The following RTN1 variants were observed in gnomAD, a reference collection of about 807,000 sequenced individuals.
RTN1 encodes reticulon-1.
Under a neutral mutation model 65.5 loss-of-function variants are expected in RTN1, and 25 were observed. The observed-to-expected ratio is 0.38, with a 90% CI of 0.28 to 0.53. RTN1 has a LOEUF of 0.53. Among genes scored for constraint, RTN1 ranks in the 20% least tolerant of loss-of-function variants. The pLI, the probability that RTN1 is intolerant of heterozygous loss-of-function variation, is 0.79. For synonymous variants in RTN1, 471 were observed against 447.6 expected, an observed-to-expected ratio of 1.05 and a Z score of -0.66; for missense variants, 983 against 1,025.4, an observed-to-expected ratio of 0.96 and a Z score of 0.57.
At chr14:59,730,142 G>A (rs766048012) in intron 2 of RTN1, among the ~76,000 whole-genome samples, 17 of 152,078 alleles carry the variant, frequency 1.1e-4, no homozygotes, top group Non-Finnish European at 1.9e-4. Context: ...TTCTTGCTAG[G>A]ACCCTAGATG....
At chr14:59,680,044 C>A (rs1334469434) in intron 3 of RTN1, among the ~76,000 whole-genome samples, 1 of 152,116 alleles carries the variant, frequency 6.6e-6, no homozygotes, top group Non-Finnish European at 1.5e-5. Context: ...TGCCCTCATA[C>A]CCAATAGCAT....
intron 3 of RTN1, among the ~76,000 whole-genome samples, chr14:59,699,723 G>T (rs1439194331): frequency 6.6e-6 from 1 of 152,150 alleles, no homozygotes; most frequent in East Asian, 1.9e-4. Context: ...AAAATTTCAA[G>T]GAGGCGAAAC....
intron 2 of RTN1, among the ~76,000 whole-genome samples, chr14:59,735,787 T>C (rs1884990609): frequency 6.6e-6 from 1 of 152,122 alleles, no homozygotes; most frequent in African/African-American, 2.4e-5. Flanking sequence ...ACAATAACAG[T>C]GGGAGACTTT....
At chr14:59,606,120 ATATAT>A in intron 4 of RTN1, 1 of 92,148 alleles carries the variant, frequency 1.1e-5, no homozygotes, top group African/African-American at 4.3e-5. Context: ...ATATATATAT[ATATAT>A]ATCATACCAG....
chr14:59,665,949 T>G (rs975075371), intron 3 of RTN1, among the ~76,000 whole-genome samples: 3 of 152,098 alleles, frequency 2.0e-5, no homozygotes, highest in Non-Finnish European at 4.4e-5. Context: ...AGCAAGTCCT[T>G]AGAGACCTAC....
chr14:59,608,529 A>G (rs957814980), intron 3 of RTN1, among the ~76,000 whole-genome samples: 1 of 152,238 alleles, frequency 6.6e-6, no homozygotes, highest in Non-Finnish European at 1.5e-5. Context: ...AGGTGACATA[A>G]GGAATTTTTG....
At chr14:59,652,265 C>G (rs1883034916) in intron 3 of RTN1, among the ~76,000 whole-genome samples, 1 of 152,192 alleles carries the variant, frequency 6.6e-6, no homozygotes, top group Non-Finnish European at 1.5e-5. Flanking sequence ...TTGTGGAAGG[C>G]AGTGTAGTTA....
rs71410676 is a variant in RTN1 at position 59,750,146 on chromosome 14, A to ATTATATC, written c.242-3666_242-3665insGATATAA. ...ATATTATCTATAATATATAATATAT[A>ATTATATC]TATTATAGATAATATATATTATATC... On this transcript the variant is annotated intron_variant, in intron 1 of 8. Coordinates refer to ENST00000267484, the MANE Select transcript of RTN1 (RefSeq NM_021136.3). Among the ~76,000 whole-genome samples the ATTATATC allele has an allele frequency of 2.2e-4, 15 of 66,932 alleles. 2 individuals carry two copies. The highest frequency in any genetic ancestry group is 1.0e-3 in the African/African-American group (14 of 13,420). The allele number at this position is 66,932 out of a possible 152,430, so 43.9% of individuals were successfully genotyped here. A position where few individuals can be genotyped will look rare whatever the true frequency, so the allele number is the denominator to read the frequency against.
At chr14:59,621,966 A>C (rs989136321) in intron 3 of RTN1, among the ~76,000 whole-genome samples, 2 of 152,220 alleles carry the variant, frequency 1.3e-5, no homozygotes, top group Admixed American at 1.3e-4. Flanking sequence ...GTGTAATTTT[A>C]TTCCATCTTG....
At chr14:59,646,623 T>C (rs1272433795) in intron 3 of RTN1, among the ~76,000 whole-genome samples, 1 of 152,128 alleles carries the variant, frequency 6.6e-6, no homozygotes, top group Admixed American at 6.5e-5. Context: ...CCTGAAGAGA[T>C]TGGGGGCCTA....
At chr14:59,706,304 C>T (rs111396152) in intron 3 of RTN1, among the ~76,000 whole-genome samples, 16 of 152,288 alleles carry the variant, frequency 1.1e-4, no homozygotes, top group African/African-American at 3.6e-4. Flanking sequence ...CCCCTAAAAA[C>T]CATTTAGTCT....
chr14:59,752,251 G>C lies in RTN1; in HGVS notation c.242-5770C>G, dbSNP rs560358714. ...GACAGAAATTTACTCTGGAGGCTGG[G>C]AGGTTCAAGATCAAGGTGCCAGTGG... On this transcript the variant is annotated intron_variant, in intron 1 of 8. Transcript: ENST00000267484. Among the ~76,000 whole-genome samples the C allele has an allele frequency of 5.9e-5, 9 of 152,252 alleles. No homozygotes were observed. In the South Asian group the frequency reaches 8.3e-4, roughly 14 times the overall value.
intron 1 of RTN1, among the ~76,000 whole-genome samples, chr14:59,866,132 A>G (rs528422483): frequency 6.6e-6 from 1 of 152,270 alleles, no homozygotes; most frequent in Admixed American, 6.5e-5. Context: ...AATAACACAA[A>G]AGGAACTATT....
intron 3 of RTN1, among the ~76,000 whole-genome samples, chr14:59,683,080 G>A (rs1045765561): frequency 1.3e-5 from 2 of 151,996 alleles, no homozygotes; most frequent in African/African-American, 4.8e-5. Context: ...CCTTACTAAC[G>A]CATTATTTTG....
chr14:59,670,234 C>A (rs138455752), intron 3 of RTN1, among the ~76,000 whole-genome samples: 1 of 152,192 alleles, frequency 6.6e-6, no homozygotes, highest in African/African-American at 2.4e-5. Context: ...TAAGCAAGGA[C>A]CAGAATTAGA....
chr14:59,869,524 G>T (rs1415313286), intron 1 of RTN1, among the ~76,000 whole-genome samples: 1 of 139,546 alleles, frequency 7.2e-6, no homozygotes, highest in Non-Finnish European at 1.5e-5. Context: ...GGCGCGCTCA[G>T]ACTTTGAATA....
At chr14:59,753,765 G>A (rs150760554) in intron 1 of RTN1, among the ~76,000 whole-genome samples, 25 of 152,336 alleles carry the variant, frequency 1.6e-4, no homozygotes, top group Non-Finnish European at 2.6e-4. Flanking sequence ...GAGAGCACAA[G>A]CCATTTGCCC....
intron 1 of RTN1, among the ~76,000 whole-genome samples, chr14:59,754,544 T>G (rs78476261): frequency 0.025 from 3,781 of 152,260 alleles, 154 homozygotes; most frequent in African/African-American, 0.086. Flanking sequence ...GTTAGCCTCT[T>G]AGAGCCTCGG....
Position 59,673,486 on chromosome 14 carries a change from G to T in RTN1, c.1765+53433C>A, listed in dbSNP as rs138171570. ...CACACCAGAGAGTGAGTAAGGCAAA[G>T]AATTTTATTTAGCAACAGAAGCAAA... On this transcript the variant is annotated intron_variant, in intron 3 of 8. Transcript: ENST00000267484. 3.5e-4 allele frequency among the ~76,000 whole-genome samples: 54 copies of T among 152,322 alleles called. No homozygotes were observed. The East Asian group carries it at 7.1e-3, about 20-fold the overall frequency.
Sources: allele counts gnomAD v4.1 joint callset (sites outside exome capture counted in the v4.1 genomes callset), GRCh38; gene constraint gnomAD v4.1.1; transcripts MANE v1.5; gene names NCBI Gene and HGNC (gene_info 2026-07-23, HGNC 2026-07-21).